The following CAMTA1 variants were observed in gnomAD, a reference collection of about 807,000 sequenced individuals.
CAMTA1 encodes the protein calmodulin-binding transcription activator 1.
In CAMTA1, 27 loss-of-function variants were observed where a neutral mutation model predicts 170.9. That is an observed-to-expected ratio of 0.16 (90% CI 0.12 to 0.22). CAMTA1 has a LOEUF of 0.22. CAMTA1 is among the 10% of genes least tolerant of loss of function. CAMTA1 has a pLI of 1.00. For missense variants in CAMTA1, 1,619 were observed against 2,217.2 expected (o/e 0.73, Z 5.42); for synonymous variants, 833 against 891.5 (o/e 0.93, Z 1.17).
intron 4 of CAMTA1, among the ~76,000 whole-genome samples, chr1:7,111,207 A>C (rs76065635): frequency 0.016 from 2,474 of 152,272 alleles, 59 homozygotes; most frequent in African/African-American, 0.056. Flanking sequence ...ATCTGAAATC[A>C]TCTCCCCATC....
intron 3 of CAMTA1, among the ~76,000 whole-genome samples, chr1:7,000,322 T>G (rs1307346017): frequency 6.6e-6 from 1 of 152,228 alleles, no homozygotes; most frequent in Non-Finnish European, 1.5e-5. Flanking sequence ...AAGACTTTCC[T>G]CTTGTTTGGG....
At position 7,248,924 on chromosome 1, in the gene CAMTA1, G is replaced by T. The variant is rs1318746748; in HGVS notation, c.303-567G>T. ...AGAATCGGGTACTTAGCTTGCTTGA[G>T]AAGCAAGACCGCAGATGCTCTTTCA... On this transcript the variant is annotated intron_variant, in intron 4 of 22. Coordinates refer to ENST00000303635, the MANE Select transcript of CAMTA1 (RefSeq NM_015215.4). The surrounding 1 kb of genome is among the most constrained non-coding windows in gnomAD (Gnocchi z 4.0). Among the ~76,000 whole-genome samples, 2 of 152,168 alleles carry T rather than the reference G, an allele frequency of 1.3e-5. No homozygotes were observed. Among genetic ancestry groups the T allele is most frequent in the African/African-American group, 4.8e-5 (2 of 41,428 alleles).
intron 5 of CAMTA1, 64 bp from the exon 6 acceptor site, chr1:7,467,766 C>A: frequency 1.4e-6 from 2 of 1,424,616 alleles, no homozygotes; most frequent in Non-Finnish European, 2.0e-6. Flanking sequence ...CTCTGTTGCG[C>A]CGTCTTCCTT....
intron 4 of CAMTA1, among the ~76,000 whole-genome samples, chr1:7,096,408 C>T (rs544837328): frequency 3.9e-5 from 6 of 152,316 alleles, no homozygotes; most frequent in African/African-American, 1.4e-4. Context: ...ATGGTCTCAC[C>T]GTCAAGTCTC....
At position 7,251,828 on chromosome 1, in the gene CAMTA1, T is replaced by C. The variant is rs894639167; in HGVS notation, c.438+2202T>C. On this transcript the variant is annotated intron_variant, in intron 5 of 22. Coordinates refer to ENST00000303635, the MANE Select transcript of CAMTA1 (RefSeq NM_015215.4). The surrounding 1 kb of genome is among the most constrained non-coding windows in gnomAD (Gnocchi z 5.1). ...TTCCTAGGTCAGATGGGATACAAGC[T>C]GAGCCCTTAAAGTCGGGTGGGACTC... Among the ~76,000 whole-genome samples the C allele has an allele frequency of 5.3e-5, 8 of 152,146 alleles. No individual in the cohort carries two copies. Among genetic ancestry groups the C allele is most frequent in the African/African-American group, 1.9e-4 (8 of 41,430 alleles).
chr1:7,747,806 A>G, intron 19 of CAMTA1, 25 bp downstream of exon 19: 1 of 1,567,642 alleles, frequency 6.4e-7, no homozygotes. Flanking sequence ...TGCACCACAG[A>G]AGGAAACTGT....
intron 4 of CAMTA1, among the ~76,000 whole-genome samples, chr1:7,112,806 C>A (rs1380008144): frequency 6.6e-6 from 1 of 152,208 alleles, no homozygotes; most frequent in Non-Finnish European, 1.5e-5. Context: ...TCTCTGACAT[C>A]AAAGATCAGG....
chr1:7,738,604 G>A lies in CAMTA1; in HGVS notation c.4182+122G>A. The stretch of plus-strand genomic sequence containing the variant: ...CCGTGAAGCCTTCGAAGTTGGCTTT[G>A]TGCAGAACATCGTTGGAGTATCTTC... On this transcript the variant is annotated intron_variant, in intron 16 of 22. Transcript: ENST00000303635. The surrounding 1 kb of genome is among the most constrained non-coding windows in gnomAD (Gnocchi z 4.9). 1 of 1,059,788 alleles carries A rather than the reference G, an allele frequency of 9.4e-7. No individual in the cohort carries two copies. The highest frequency in any genetic ancestry group is 1.3e-6 in the Non-Finnish European group (1 of 751,054). The allele number at this position is 1,059,788 out of a possible 1,614,324, so 65.6% of individuals were successfully genotyped here.
intron 4 of CAMTA1, among the ~76,000 whole-genome samples, chr1:7,243,939 C>T (rs1338680834): frequency 6.6e-6 from 1 of 152,148 alleles, no homozygotes; most frequent in Non-Finnish European, 1.5e-5. Flanking sequence ...AAACCACCAT[C>T]AGAGTGAAAA....
At chr1:7,174,887 T>C (rs1055337654) in intron 4 of CAMTA1, among the ~76,000 whole-genome samples, 1 of 152,184 alleles carries the variant, frequency 6.6e-6, no homozygotes. Context: ...TTCCCTGCTG[T>C]GTGTCTAAGG....
intron 6 of CAMTA1, among the ~76,000 whole-genome samples, chr1:7,558,562 G>A (rs962422141): frequency 7.2e-5 from 11 of 152,250 alleles, no homozygotes; most frequent in African/African-American, 2.4e-4. Flanking sequence ...TTGCCTGCTC[G>A]GATTAAGTCC....
chr1:7,050,077 G>A lies in CAMTA1; in HGVS notation c.235-41227G>A, dbSNP rs1363901588. On this transcript the variant is annotated intron_variant, in intron 3 of 22. Coordinates refer to ENST00000303635, the MANE Select transcript of CAMTA1 (RefSeq NM_015215.4). This position sits in a 1 kb window ranked among gnomAD's most constrained non-coding sequence, Gnocchi z 4.8. The stretch of plus-strand genomic sequence containing the variant: ...ACTGCAAGCGCGGTGTCCTTGGGGC[G>A]GGATTGCACTGGGAGTGTTTGAAGG... Among the ~76,000 whole-genome samples the A allele has an allele frequency of 1.3e-5, 2 of 152,214 alleles. No individual in the cohort carries two copies. The highest frequency in any genetic ancestry group is 2.9e-5 in the Non-Finnish European group (2 of 68,034).
chr1:7,338,975 G>C lies in CAMTA1; in HGVS notation c.438+89349G>C, dbSNP rs116203041. Among the ~76,000 whole-genome samples the C allele has an allele frequency of 2.6e-3, 389 of 152,288 alleles. 1 individual carries two copies. Among genetic ancestry groups the C allele is most frequent in the African/African-American group, 8.9e-3 (369 of 41,552 alleles). On this transcript the variant is annotated intron_variant, in intron 5 of 22. Transcript: ENST00000303635. ...GAAGCAGGTATGTCTTACATGCCTGGAGCAGGAGGATGAGAGAGAACAGGG... is the reference window on the plus strand; with the variant it reads ...GAAGCAGGTATGTCTTACATGCCTGCAGCAGGAGGATGAGAGAGAACAGGG...
At chr1:7,184,527 A>C (rs1458395954) in intron 4 of CAMTA1, among the ~76,000 whole-genome samples, 1 of 152,168 alleles carries the variant, frequency 6.6e-6, no homozygotes, top group Admixed American at 6.6e-5. Context: ...AAAATTAAAA[A>C]AAGTAAAAAA....
intron 3 of CAMTA1, among the ~76,000 whole-genome samples, chr1:6,879,749 C>G (rs1387230982): frequency 6.6e-6 from 1 of 151,854 alleles, no homozygotes; most frequent in Non-Finnish European, 1.5e-5. Flanking sequence ...CTGCCTCAAC[C>G]TCCCGAGTAG....
At chr1:7,262,210 G>A (rs938530057) in intron 5 of CAMTA1, among the ~76,000 whole-genome samples, 2 of 152,110 alleles carry the variant, frequency 1.3e-5, no homozygotes, top group African/African-American at 4.8e-5. Flanking sequence ...ATCAGTCCAT[G>A]AACAAGTGAG....
At chr1:7,528,054 C>A (rs768501644) in intron 6 of CAMTA1, among the ~76,000 whole-genome samples, 3 of 152,174 alleles carry the variant, frequency 2.0e-5, no homozygotes, top group Admixed American at 6.5e-5. Flanking sequence ...CCAGTGGGAC[C>A]AAGAATCCCA....
In CAMTA1 at chr1:7,026,694, G is replaced by A. The variant is rs557907501; in HGVS notation, c.235-64610G>A. Among the ~76,000 whole-genome samples the A allele has an allele frequency of 4.1e-5, 6 of 145,506 alleles. No homozygotes were observed. The South Asian group carries it at 1.1e-3, about 27-fold the overall frequency. On this transcript the variant is annotated intron_variant, in intron 3 of 22. Coordinates refer to ENST00000303635, the MANE Select transcript of CAMTA1 (RefSeq NM_015215.4). ...TCACCAGGCTGGAGTGCAGTGGCGC[G>A]ATCTCAGCTCACTGCAACCGCCGCC...
At chr1:7,693,552 C>T (rs957784236) in intron 11 of CAMTA1, 12 of 152,270 alleles carry the variant, frequency 7.9e-5, no homozygotes, top group African/African-American at 2.9e-4. Context: ...GGACGCAGAA[C>T]TCATCAAAAG....
Sources: allele counts gnomAD v4.1 joint callset (sites outside exome capture counted in the v4.1 genomes callset), GRCh38; gene constraint gnomAD v4.1.1; non-coding constraint Gnocchi (gnomAD v3.1); transcripts MANE v1.5; gene names NCBI Gene and HGNC (gene_info 2026-07-23, HGNC 2026-07-21).